Variants in CYTH1 observed in about 807,000 individuals in gnomAD.
The protein encoded by CYTH1 is cytohesin-1.
Under a neutral mutation model 61.8 loss-of-function variants are expected in CYTH1, and 18 were observed. The ratio of observed to expected loss-of-function variants is 0.29; its 90% CI spans 0.20 to 0.43. The LOEUF (loss-of-function observed/expected upper bound fraction) is 0.43, where lower values mean the gene tolerates loss of function less well. Ranked by LOEUF, CYTH1 falls within the 20% of genes least tolerant of loss-of-function variation. CYTH1 has a pLI of 1.00. For synonymous variants in CYTH1, 174 were observed against 184.3 expected, an observed-to-expected ratio of 0.94 and a Z score of 0.45; for missense variants, 336 against 510.5, an observed-to-expected ratio of 0.66 and a Z score of 3.29.
At chr17:78,754,541 T>C (rs2093393397) in intron 1 of CYTH1, among the ~76,000 whole-genome samples, 1 of 151,970 alleles carries the variant, frequency 6.6e-6, no homozygotes, top group Non-Finnish European at 1.5e-5. Flanking sequence ...AGAGACAGAG[T>C]GTCACTATGT....
intron 1 of CYTH1, among the ~76,000 whole-genome samples, chr17:78,761,115 G>C (rs1307774473): frequency 1.3e-5 from 2 of 152,058 alleles, no homozygotes; most frequent in African/African-American, 4.8e-5. Context: ...TTACAGGTGT[G>C]AGCCACCGCG....
chr17:78,742,176 C>T (rs2093344252), intron 1 of CYTH1, among the ~76,000 whole-genome samples: 1 of 152,220 alleles, frequency 6.6e-6, no homozygotes, highest in South Asian at 2.1e-4. Context: ...GGCTTAAGAG[C>T]TGGTCAAAAG....
chr17:78,713,732 T>C (rs1329195001), intron 1 of CYTH1, among the ~76,000 whole-genome samples: 2 of 148,630 alleles, frequency 1.3e-5, no homozygotes, highest in African/African-American at 5.1e-5. Context: ...CCAAGGTCCA[T>C]ATAATGAAGC....
At chr17:78,713,844 C>T (rs1354261969) in intron 1 of CYTH1, among the ~76,000 whole-genome samples, 3 of 151,818 alleles carry the variant, frequency 2.0e-5, no homozygotes, top group African/African-American at 7.3e-5. Context: ...AACTCTAAAT[C>T]GTTGCTTTCT....
chr17:78,683,352 G>T (rs1278029258), intron 11 of CYTH1, among the ~76,000 whole-genome samples: 1 of 152,178 alleles, frequency 6.6e-6, no homozygotes, highest in Non-Finnish European at 1.5e-5. Context: ...AGGTATCTGG[G>T]ACTCCTTGGT....
chr17:78,743,480 C>A (rs1023286293), intron 1 of CYTH1, among the ~76,000 whole-genome samples: 1 of 152,110 alleles, frequency 6.6e-6, no homozygotes, highest in Non-Finnish European at 1.5e-5. Flanking sequence ...ACATGACACT[C>A]AAAGGAAATG....
chr17:78,721,066 C>T (rs1258784361), intron 1 of CYTH1, among the ~76,000 whole-genome samples: 4 of 152,160 alleles, frequency 2.6e-5, no homozygotes, highest in Admixed American at 6.5e-5. Context: ...TGGTGGCTCA[C>T]GCCTTGTAAT....
rs1567851959 is a variant in CYTH1 at position 78,711,297 on chromosome 17, TAAATA to T, written c.23-1570_23-1566del. On this transcript the variant is annotated intron_variant, in intron 1 of 13. Transcript: ENST00000446868. ...ATAAATAAATAAATAAATAAATAAA[TAAATA>T]ATATATATATATACACACACACACA... is the stretch of plus-strand genomic sequence containing the variant. 2.1e-3 allele frequency among the ~76,000 whole-genome samples: 219 copies of T among 106,826 alleles called. 1 individual carries two copies. The highest frequency in any genetic ancestry group is 7.0e-3 in the African/African-American group (198 of 28,420). The allele number at this position is 106,826 out of a possible 152,430, so 70.1% of individuals were successfully genotyped here. A position where few individuals can be genotyped will look rare whatever the true frequency, so the allele number is the denominator to read the frequency against.
chr17:78,751,549 A>G (rs1323199274), intron 1 of CYTH1, among the ~76,000 whole-genome samples: 1 of 152,230 alleles, frequency 6.6e-6, no homozygotes, highest in African/African-American at 2.4e-5. Context: ...GAAACAAGAA[A>G]TCAGTCACCT....
At chr17:78,777,886 TC>T (rs2093499336) in intron 1 of CYTH1, among the ~76,000 whole-genome samples, 1 of 151,196 alleles carries the variant, frequency 6.6e-6, no homozygotes, top group Non-Finnish European at 1.5e-5. Flanking sequence ...CTAGGCTGAT[TC>T]ACAAAACGTT....
chr17:78,708,353 ACAAAATAAAG>A, intron 2 of CYTH1, 92 bp from the exon 3 acceptor site: 1 of 1,217,902 alleles, frequency 8.2e-7, no homozygotes, highest in Non-Finnish European at 1.2e-6. Context: ...CCAACCAAAA[ACAAAATAAAG>A]CAAAATGAAA....
At chr17:78,680,548 C>A (rs560342849) in intron 12 of CYTH1, among the ~76,000 whole-genome samples, 1 of 152,132 alleles carries the variant, frequency 6.6e-6, no homozygotes. Context: ...GCAAACACAC[C>A]GGCCTGATAT....
chr17:78,729,889 C>CCT (rs1175622751), intron 1 of CYTH1, among the ~76,000 whole-genome samples: 24 of 152,306 alleles, frequency 1.6e-4, no homozygotes, highest in African/African-American at 5.5e-4. Context: ...AAAGCAAGGA[C>CCT]TGTGGAAAGA....
In CYTH1 at chr17:78,681,837, C is replaced by CAAAA. The variant is rs35074589; in HGVS notation, c.892-799_892-796dup. 8.3e-4 allele frequency among the ~76,000 whole-genome samples: 60 copies of CAAAA among 72,506 alleles called. 1 individual carries two copies. The East Asian group carries it at 0.018, about 22-fold the overall frequency. The allele number at this position is 72,506 out of a possible 152,430, so 47.6% of individuals were successfully genotyped here. A position where few individuals can be genotyped will look rare whatever the true frequency, so the allele number is the denominator to read the frequency against. ...TGGGTGACAGAGCAAGACTCTGTCT[C>CAAAA]AAAAAAAAAAAAAAAAAACCAACCA... On this transcript the variant is annotated intron_variant, in intron 11 of 13. Transcript: ENST00000446868.
intron 7 of CYTH1, among the ~76,000 whole-genome samples, chr17:78,699,742 T>C (rs528567881): frequency 2.0e-5 from 3 of 152,308 alleles, no homozygotes; most frequent in Non-Finnish European, 4.4e-5. Context: ...AATCTTAATA[T>C]CATTCTCCTA....
intron 13 of CYTH1, chr17:78,676,439 C>G (rs1003482045): frequency 4.2e-6 from 2 of 475,734 alleles, no homozygotes; most frequent in African/African-American, 1.9e-5. Flanking sequence ...CATTTAGGAA[C>G]AGAATCATAC....
intron 1 of CYTH1, among the ~76,000 whole-genome samples, chr17:78,742,303 T>C (rs769974309): frequency 6.6e-6 from 1 of 152,240 alleles, no homozygotes; most frequent in Non-Finnish European, 1.5e-5. Flanking sequence ...GGCTCATGCC[T>C]ATAATCCCAG....
intron 1 of CYTH1, among the ~76,000 whole-genome samples, chr17:78,771,697 C>G (rs528080361): frequency 1.3e-5 from 2 of 149,244 alleles, no homozygotes; most frequent in South Asian, 4.2e-4. Flanking sequence ...CGCCATTGCA[C>G]TCCAGCCTGG....
At chr17:78,685,775 G>T (rs928770570) in intron 11 of CYTH1, among the ~76,000 whole-genome samples, 1 of 152,098 alleles carries the variant, frequency 6.6e-6, no homozygotes, top group Non-Finnish European at 1.5e-5. Context: ...TTTTCTTCAG[G>T]AGAGTGCGGC....
Sources: allele counts gnomAD v4.1 joint callset (sites outside exome capture counted in the v4.1 genomes callset), GRCh38; gene constraint gnomAD v4.1.1; transcripts MANE v1.5; gene names NCBI Gene and HGNC (gene_info 2026-07-23, HGNC 2026-07-21).